The following MUC5B variants were observed in gnomAD, a reference collection of about 807,000 sequenced individuals.
The protein encoded by MUC5B is mucin-5B.
MUC5B carries 116 observed loss-of-function variants against 376.9 expected under a neutral mutation model. That is an observed-to-expected ratio of 0.31 (90% CI 0.26 to 0.36). The LOEUF is 0.36. MUC5B is among the 10% of genes least tolerant of loss of function. The probability of loss-of-function intolerance (pLI) is 1.00; values close to 1 mark genes in which losing one functional copy is unlikely to be tolerated. For missense variants in MUC5B, 7,165 were observed against 7,769.9 expected (o/e 0.92, Z 2.93); for synonymous variants, 3,517 against 3,390.9 (o/e 1.04, Z -1.29).
In MUC5B at chr11:1,250,739, G is replaced by A. The variant is rs1564949138; in HGVS notation, c.13859G>A (p.Ser4620Asn). The A allele has an allele frequency of 1.9e-6, 3 of 1,609,102 alleles. No homozygotes were observed. The highest frequency in any genetic ancestry group is 2.5e-6 in the Non-Finnish European group (3 of 1,177,326). ...GTALTPPVWI[S>N]TTTTPTTTTP... The stretch of plus-strand genomic sequence containing the variant: ...GCACTCACGCCTCCAGTGTGGATCA[G>A]CACAACCACCACACCCACAACCACC... The change falls in exon 31 of 49, where the codon AGC becomes AAC. Residue 4620 changes from serine to asparagine, a missense_variant. Ser to Asn is a conservative substitution (Grantham distance 46). Coordinates refer to ENST00000529681, the MANE Select transcript of MUC5B (RefSeq NM_002458.3).
intron 36 of MUC5B, 58 bp from the exon 37 acceptor site, chr11:1,255,325 G>A (rs181638106): frequency 6.3e-5 from 86 of 1,369,522 alleles, no homozygotes; most frequent in African/African-American, 5.0e-4. Context: ...CCGCATGCAC[G>A]CACGCACGCA....
Position 1,255,026 on chromosome 11 carries a change from C to T in MUC5B, c.15665-15C>T, listed in dbSNP as rs370878802. Reference sequence around the variant, plus strand: ...TCCCCAGATTCCAGCCCCGCGGTGACGCCCCCACTCCCAGGCACCTGCACC... The same window carrying T: ...TCCCCAGATTCCAGCCCCGCGGTGATGCCCCCACTCCCAGGCACCTGCACC... On this transcript the variant is annotated splice_polypyrimidine_tract_variant and intron_variant, in intron 35 of 48. Transcript: ENST00000529681. 82 of 1,573,266 alleles carry T rather than the reference C, an allele frequency of 5.2e-5. No individual in the cohort carries two copies. Among genetic ancestry groups the T allele is most frequent in the Admixed American group, 7.3e-5 (4 of 54,564 alleles).
chr11:1,230,720 G>A, intron 12 of MUC5B, 120 bp downstream of exon 12: 1 of 981,522 alleles, frequency 1.0e-6, no homozygotes, highest in Non-Finnish European at 1.5e-6. Flanking sequence ...CAGCCCCCAG[G>A]CCAGGTCCCC....
intron 35 of MUC5B, 63 bp from the exon 36 acceptor site, chr11:1,254,978 G>C: frequency 7.9e-6 from 7 of 886,190 alleles, no homozygotes; most frequent in Non-Finnish European, 1.2e-5. Context: ...GAGTGGGGGA[G>C]GGGGGTGGGG....
Position 1,225,746 on chromosome 11 carries a change from C to T in MUC5B, c.127+9C>T, listed in dbSNP as rs56037586. 1.7e-3 allele frequency: 2,781 copies of T among 1,603,308 alleles called. 38 individuals are homozygous for T. In the African/African-American group the frequency reaches 0.033, roughly 19 times the overall value. ...GCACACCATGGATGGCGGTATGTGG[C>T]CAGGTTCGGGGGTGGGGGGTTCCTG... On this transcript the variant is annotated intron_variant, in intron 2 of 48. Transcript: ENST00000529681.
In MUC5B at chr11:1,229,780, C is replaced by A. The variant is rs1226264727; in HGVS notation, c.1193C>A (p.Thr398Asn). ...THGGRTYSPGTSFNTTCSSCT... is the reference protein window; with the variant it reads ...THGGRTYSPGNSFNTTCSSCT... ...GGCGGCCGCACCTACAGCCCGGGCA[C>A]CTCCTTCAACACCACCTGCAGCTCC... The change falls in exon 10 of 49, where the codon ACC (threonine) becomes AAC (asparagine). Residue 398 changes from threonine (T) to asparagine (N), a missense_variant. Transcript: ENST00000529681. 1 of 1,601,436 alleles carries A rather than the reference C, an allele frequency of 6.2e-7. No homozygotes were observed. The highest frequency in any genetic ancestry group is 8.5e-7 in the Non-Finnish European group (1 of 1,175,376).
rs529578050 is a variant in MUC5B at position 1,235,497 on chromosome 11, C to T, written c.2880+84C>T. ...GGGAAGCTTCGTGAGGCTTTAGCTG[C>T]ACCCACAGGTTCTCAGCAGTGTCCT... On this transcript the variant is annotated intron_variant, in intron 23 of 48. Transcript: ENST00000529681. 36 of 1,172,984 alleles carry T rather than the reference C, an allele frequency of 3.1e-5. No individual in the cohort carries two copies. The African/African-American group carries it at 3.8e-4, about 12-fold the overall frequency. 72.7% of individuals were successfully genotyped at this position (1,172,984 alleles called of 1,614,324 possible). A position where few individuals can be genotyped will look rare whatever the true frequency, so the allele number is the denominator to read the frequency against.
Position 1,242,429 on chromosome 11 carries a change from G to C in MUC5B, c.5549G>C (p.Ser1850Thr), listed in dbSNP as rs912492357. The change falls in exon 31 of 49, where the codon AGC (serine) becomes ACC (threonine). Residue 1850 changes from serine to threonine, a missense_variant. By Grantham distance (58) the Ser-to-Thr change is moderately conservative. Around this residue, in one of 31 missense-constraint regions of MUC5B, gnomAD observed 897 missense variants for 779.6 expected, o/e 1.15. Coordinates refer to ENST00000529681, the MANE Select transcript of MUC5B (RefSeq NM_002458.3). ...CAGGTCGGGCAGGTGCTGACCTGCA[G>C]CCTGGAGACGGGGCTGACCTGCAAG... ...IDQVGQVLTC[S>T]LETGLTCKNE... is the part of the protein sequence containing the mutation. 1.9e-6 allele frequency: 3 copies of C among 1,613,814 alleles called. No homozygotes were observed. In the African/African-American group the frequency reaches 4.0e-5, roughly 22 times the overall value.
In MUC5B at chr11:1,247,232, C is replaced by G; in HGVS notation, c.10352C>G (p.Thr3451Arg). 1 of 1,605,914 alleles carries G rather than the reference C, an allele frequency of 6.2e-7. No individual in the cohort carries two copies. The highest frequency in any genetic ancestry group is 8.5e-7 in the Non-Finnish European group (1 of 1,175,244). Residue 3451 changes from threonine (T) to arginine (R), a missense_variant, in exon 31 of 49, where the codon ACG (threonine) becomes AGG (arginine). Coordinates refer to ENST00000529681, the MANE Select transcript of MUC5B (RefSeq NM_002458.3). ...CACACACCCCCAGTGCCGAACACCACGGCCACCACACACGGGCGGTCCCTG... is the reference window on the plus strand; with the variant it reads ...CACACACCCCCAGTGCCGAACACCAGGGCCACCACACACGGGCGGTCCCTG... ...TTHTPPVPNT[T>R]ATTHGRSLPP...
In MUC5B at chr11:1,249,159, C is replaced by A; in HGVS notation, c.12279C>A (p.Thr4093=). The change falls in exon 31 of 49, where the codon ACC becomes ACA. Residue 4093 remains threonine, a synonymous_variant. Transcript: ENST00000529681. ...GTTTPGHTTA[T]SRTTATATPS... is the part of the protein sequence containing the mutation. ...CCACCCCGGGCCACACCACGGCCAC[C>A]TCCAGGACCACGGCCACGGCCACAC... The A allele has an allele frequency of 6.2e-7, 1 of 1,611,460 alleles. No homozygotes were observed. The highest frequency in any genetic ancestry group is 8.5e-7 in the Non-Finnish European group (1 of 1,179,568).
At position 1,244,784 on chromosome 11, in the gene MUC5B, G is replaced by A. The variant is rs1298361216; in HGVS notation, c.7904G>A (p.Ser2635Asn). 3.1e-6 allele frequency: 5 copies of A among 1,612,106 alleles called. No individual in the cohort carries two copies. The highest frequency in any genetic ancestry group is 4.5e-5 in the East Asian group (2 of 44,852). ...GCACGCACGCTTCCAGTGTGGATCA[G>A]CACAACCACCACACCCACAACCAGA... Reference protein sequence around the residue: ...GTARTLPVWISTTTTPTTRGS... With the variant: ...GTARTLPVWINTTTTPTTRGS... Residue 2635 changes from serine to asparagine, a missense_variant, in exon 31 of 49, where the codon AGC (serine) becomes AAC (asparagine). Transcript: ENST00000529681.
At chr11:1,224,181 G>T (rs1445451491) in intron 1 of MUC5B, among the ~76,000 whole-genome samples, 3 of 152,172 alleles carry the variant, frequency 2.0e-5, no homozygotes, top group Non-Finnish European at 1.5e-5. Context: ...AGGGCCTAGG[G>T]ACTCTCAGCC....
In MUC5B at chr11:1,250,430, C is replaced by T. The variant is rs772602675; in HGVS notation, c.13550C>T (p.Pro4517Leu). Residue 4517 changes from proline to leucine, a missense_variant, in exon 31 of 49, where the codon CCC becomes CTC. Pro to Leu is a moderately conservative substitution (Grantham distance 98). This residue lies in a region of MUC5B where 431 missense variants were observed against 390.4 expected (regional missense o/e 1.10). Transcript: ENST00000529681. ...LPALRSTATT[P>L]TATSFTAIPS... ...GCACTGAGAAGCACAGCCACCACAC[C>T]CACAGCTACCAGCTTTACAGCCATC... 4 of 1,594,434 alleles carry T rather than the reference C, an allele frequency of 2.5e-6. No homozygotes were observed. The highest frequency in any genetic ancestry group is 3.4e-6 in the Non-Finnish European group (4 of 1,163,504).
intron 26 of MUC5B, 179 bp from the exon 27 acceptor site, chr11:1,239,259 G>T: frequency 2.1e-6 from 2 of 936,644 alleles, no homozygotes; most frequent in Non-Finnish European, 3.2e-6. Context: ...AGTTCCAAGG[G>T]CAGGGCTGGG....
At chr11:1,231,105 G>A (rs1318622490) in intron 13 of MUC5B, 100 bp downstream of exon 13, 6 of 1,240,688 alleles carry the variant, frequency 4.8e-6, no homozygotes, top group African/African-American at 1.5e-5. Flanking sequence ...CTAGTTCTCC[G>A]TGGCCTCGGG....
At position 1,226,407 on chromosome 11, in the gene MUC5B, G is replaced by A. The variant is rs764987479; in HGVS notation, c.199+131G>A. The A allele has an allele frequency of 5.2e-4, 686 of 1,313,934 alleles. 2 individuals carry two copies. Among genetic ancestry groups the A allele is most frequent in the Middle Eastern group, 2.0e-3 (11 of 5,476 alleles). The allele number at this position is 1,313,934 out of a possible 1,614,324, so 81.4% of individuals were successfully genotyped here. ...CAGACCCAGAGTCCTCCGTGTGGGC[G>A]GTCTCCTGGTCACTGGCCACCCTGG... On this transcript the variant is annotated intron_variant, in intron 3 of 48. Transcript: ENST00000529681.
intron 30 of MUC5B, 137 bp from the exon 31 acceptor site, chr11:1,240,714 G>A: frequency 2.4e-6 from 2 of 841,084 alleles, no homozygotes; most frequent in Non-Finnish European, 3.6e-6. Flanking sequence ...AACCAAGGCT[G>A]AGGCAGGCAC....
rs1263128917 is a variant in MUC5B, at chr11:1,242,087, C to T, written c.5207C>T (p.Ala1736Val). 1 of 1,611,670 alleles carries T rather than the reference C, an allele frequency of 6.2e-7. No individual in the cohort carries two copies. The highest frequency in any genetic ancestry group is 1.7e-5 in the Admixed American group (1 of 59,582). Residue 1736 changes from alanine to valine, a missense_variant, in exon 31 of 49, where the codon GCT becomes GTT. Physicochemically the swap from Ala to Val is moderately conservative, Grantham distance 64. This residue lies in a region of MUC5B where 897 missense variants were observed against 779.6 expected (regional missense o/e 1.15). Transcript: ENST00000529681. ...RARPTGTAST[A>V]SKEPLTTSLA... ...CGCCCGACAGGCACAGCCAGCACCG[C>T]TTCCAAAGAGCCGCTGACCACGAGC...
At position 1,241,698 on chromosome 11, in the gene MUC5B, T is replaced by C; in HGVS notation, c.4818T>C (p.Arg1606=). The change falls in exon 31 of 49, where the codon CGT becomes CGC. Residue 1606 remains arginine, a synonymous_variant. Coordinates refer to ENST00000529681, the MANE Select transcript of MUC5B (RefSeq NM_002458.3). The part of the protein sequence containing the change: ...LCCSDDHCRG[R]ATTPPPTTEL... The stretch of plus-strand genomic sequence containing the variant: ...GCAGTGACGACCACTGCAGGGGACG[T>C]GCCACAACCCCGCCACCGACCACAG... 4.3e-6 allele frequency: 7 copies of C among 1,612,224 alleles called. 1 individual carries two copies. The South Asian group carries it at 7.7e-5, about 18-fold the overall frequency.
Sources: gnomAD v4.1 joint callset for allele counts (sites outside exome capture counted in the v4.1 genomes callset) on GRCh38, gnomAD v4.1.1 for gene constraint, gnomAD v4.1.1 regional missense constraint, MANE v1.5 for transcripts, NCBI Gene and HGNC (gene_info 2026-07-23, HGNC 2026-07-21) for gene names.